LRP1B: variants seen among roughly 807,000 people sequenced by gnomAD.
The protein encoded by LRP1B is LDL receptor related protein 1B.
A neutral mutation model predicts 556.6 loss-of-function variants in LRP1B; 217 were observed. The ratio of observed to expected loss-of-function variants is 0.39; its 90% CI spans 0.35 to 0.44. The LOEUF (loss-of-function observed/expected upper bound fraction) is 0.44. Among genes scored for constraint, LRP1B ranks in the 20% least tolerant of loss-of-function variants. The pLI, the probability that LRP1B is intolerant of heterozygous loss-of-function variation, is 1.00. For synonymous variants in LRP1B, 2,047 were observed against 1,865.8 expected (o/e 1.10, Z -2.50); for missense variants, 5,053 against 5,620.8 (o/e 0.90, Z 3.23).
chr2:141,735,084 T>C (rs1693413752), intron 2 of LRP1B, among the ~76,000 whole-genome samples: 1 of 152,136 alleles, frequency 6.6e-6, no homozygotes, highest in Admixed American at 6.6e-5. Flanking sequence ...AGTTTGTCCT[T>C]GGAGAAGCTT....
intron 31 of LRP1B, among the ~76,000 whole-genome samples, chr2:140,832,644 A>C (rs1691756318): frequency 2.0e-5 from 3 of 152,214 alleles, no homozygotes; most frequent in Admixed American, 2.0e-4. Flanking sequence ...GAGGCACAGA[A>C]GGACAAATAC....
intron 10 of LRP1B, among the ~76,000 whole-genome samples, chr2:141,049,497 T>A (rs1335668215): frequency 6.6e-6 from 1 of 152,126 alleles, no homozygotes; most frequent in Non-Finnish European, 1.5e-5. Context: ...GATCATTAGA[T>A]AACTTGTAAC....
intron 82 of LRP1B, among the ~76,000 whole-genome samples, chr2:140,318,693 T>G (rs1684639633): frequency 6.6e-6 from 1 of 152,058 alleles, no homozygotes; most frequent in South Asian, 2.1e-4. Context: ...ACAGAGATAC[T>G]GGGATGTATT....
chr2:140,435,829 T>A lies in LRP1B; in HGVS notation c.10414+6675A>T, dbSNP rs112757214. Among the ~76,000 whole-genome samples the A allele has an allele frequency of 8.8e-3, 1,347 of 152,258 alleles. 5 individuals carry two copies. Among genetic ancestry groups the A allele is most frequent in the Non-Finnish European group, 0.015 (1,050 of 68,016 alleles). Reference sequence around the variant, plus strand: ...AGTGACTCCCATGTAGTCATTCATTTCTCCTATAAAAGCTAGAGGACAATT... The same window carrying A: ...AGTGACTCCCATGTAGTCATTCATTACTCCTATAAAAGCTAGAGGACAATT... On this transcript the variant is annotated intron_variant, in intron 66 of 90. Coordinates refer to ENST00000389484, the MANE Select transcript of LRP1B (RefSeq NM_018557.3).
At chr2:140,867,079 G>A (rs1423971929) in intron 27 of LRP1B, among the ~76,000 whole-genome samples, 1 of 151,966 alleles carries the variant, frequency 6.6e-6, no homozygotes, top group Non-Finnish European at 1.5e-5. Context: ...TATCCCAGTG[G>A]GGCAAAAAGT....
At chr2:141,897,173 T>G (rs1699478793) in intron 1 of LRP1B, among the ~76,000 whole-genome samples, 1 of 151,976 alleles carries the variant, frequency 6.6e-6, no homozygotes, top group Non-Finnish European at 1.5e-5. Context: ...AAACATTCAG[T>G]CTAAGTAGCT....
intron 3 of LRP1B, among the ~76,000 whole-genome samples, chr2:141,329,806 CT>C (rs1248786283): frequency 6.6e-6 from 1 of 151,992 alleles, no homozygotes; most frequent in Non-Finnish European, 1.5e-5. Context: ...AGAGTTCTTG[CT>C]TGTTTAAAGT....
chr2:141,482,434 C>T (rs1354707721), intron 2 of LRP1B, among the ~76,000 whole-genome samples: 1 of 151,994 alleles, frequency 6.6e-6, no homozygotes, highest in Non-Finnish European at 1.5e-5. Flanking sequence ...ATGCACAACT[C>T]ATTTTCTGTA....
chr2:140,245,528 A>C (rs1302785848), intron 87 of LRP1B, among the ~76,000 whole-genome samples: 1 of 151,390 alleles, frequency 6.6e-6, no homozygotes, highest in African/African-American at 2.4e-5. Flanking sequence ...AAAAAGGCTA[A>C]AATATCTTTT....
At chr2:141,401,869 T>C (rs943965165) in intron 3 of LRP1B, among the ~76,000 whole-genome samples, 4 of 152,198 alleles carry the variant, frequency 2.6e-5, no homozygotes, top group Non-Finnish European at 4.4e-5. Flanking sequence ...GAAAATTTCC[T>C]ATTCTAGATC....
At chr2:140,623,129 C>T (rs1198918310) in intron 41 of LRP1B, among the ~76,000 whole-genome samples, 2 of 152,148 alleles carry the variant, frequency 1.3e-5, no homozygotes, top group African/African-American at 4.8e-5. Context: ...TTAATTTCTA[C>T]TTTGGCATCT....
At chr2:142,024,842 C>T (rs1367429686) in intron 1 of LRP1B, among the ~76,000 whole-genome samples, 1 of 152,008 alleles carries the variant, frequency 6.6e-6, no homozygotes, top group African/African-American at 2.4e-5. Flanking sequence ...CTCCTGAATA[C>T]ACATTTAGAT....
At chr2:141,413,343 T>C (rs1690927301) in intron 3 of LRP1B, among the ~76,000 whole-genome samples, 2 of 152,112 alleles carry the variant, frequency 1.3e-5, no homozygotes, top group Non-Finnish European at 2.9e-5. Context: ...GAGGCAGATG[T>C]GACTATGGGA....
chr2:141,109,389 C>T (rs996113097), intron 7 of LRP1B, among the ~76,000 whole-genome samples: 28 of 152,152 alleles, frequency 1.8e-4, no homozygotes, highest in African/African-American at 5.8e-4. Flanking sequence ...GATGAACCCA[C>T]TGGCAGTTAC....
chr2:141,193,088 G>C (rs1336214084), intron 6 of LRP1B, among the ~76,000 whole-genome samples: 1 of 151,996 alleles, frequency 6.6e-6, no homozygotes, highest in Non-Finnish European at 1.5e-5. Context: ...AATAACAGAT[G>C]CTGGCAAGGT....
intron 2 of LRP1B, among the ~76,000 whole-genome samples, chr2:141,756,986 C>T (rs1333268947): frequency 6.6e-6 from 1 of 152,018 alleles, no homozygotes; most frequent in African/African-American, 2.4e-5. Context: ...AATATGTAGT[C>T]ATTTCTCAGT....
At chr2:140,250,296 G>A (rs16843673) in intron 86 of LRP1B, among the ~76,000 whole-genome samples, 4,209 of 151,770 alleles carry the variant, frequency 0.028, 100 homozygotes, top group East Asian at 0.13. Context: ...ATTATTTAAC[G>A]TTTTAAACAA....
intron 6 of LRP1B, among the ~76,000 whole-genome samples, chr2:141,201,616 T>C (rs889431337): frequency 3.9e-5 from 6 of 152,184 alleles, no homozygotes; most frequent in South Asian, 2.1e-4. Flanking sequence ...TTATTACATA[T>C]GTTTTTATAC....
At chr2:140,853,568 G>A (rs1346886893) in intron 27 of LRP1B, among the ~76,000 whole-genome samples, 2 of 152,042 alleles carry the variant, frequency 1.3e-5, no homozygotes, top group Non-Finnish European at 1.5e-5. Flanking sequence ...ATAATAAAAA[G>A]GTAGAGGATA....
Sources: allele counts gnomAD v4.1 joint callset (sites outside exome capture counted in the v4.1 genomes callset), GRCh38; gene constraint gnomAD v4.1.1; transcripts MANE v1.5; gene names NCBI Gene and HGNC (gene_info 2026-07-23, HGNC 2026-07-21).